Variants in ITGB5 observed in about 807,000 individuals in gnomAD.
ITGB5 encodes integrin beta-5.
ITGB5 carries 38 observed loss-of-function variants against 84.8 expected under a neutral mutation model. The observed-to-expected ratio is 0.45, with a 90% CI of 0.35 to 0.59. The LOEUF is 0.59. Among genes scored for constraint, ITGB5 ranks in the 20% least tolerant of loss-of-function variants. The pLI, the probability that ITGB5 is intolerant of heterozygous loss-of-function variation, is 0.01. For missense variants in ITGB5, 905 were observed against 1,034.5 expected (o/e 0.87, Z 1.72); for synonymous variants, 393 against 414.4 (o/e 0.95, Z 0.63).
At position 124,807,941 on chromosome 3, in the gene ITGB5, C is replaced by CAAAAAAAAA. The variant is rs552552243; in HGVS notation, c.1263+1072_1263+1080dup. Among the ~76,000 whole-genome samples, 3 of 26,766 alleles carry CAAAAAAAAA rather than the reference C, an allele frequency of 1.1e-4. 1 individual carries two copies. The highest frequency in any genetic ancestry group is 2.1e-4 in the Non-Finnish European group (3 of 13,984). 17.6% of individuals were successfully genotyped at this position (26,766 alleles called of 152,430 possible). A position where few individuals can be genotyped will look rare whatever the true frequency, so the allele number is the denominator to read the frequency against. ...TGGGCGACAGAGCGAGACTTCATCT[C>CAAAAAAAAA]AAAAAAAAAAAAAAAAAAAAAAAAA... On this transcript the variant is annotated intron_variant, in intron 9 of 14. Coordinates refer to ENST00000296181, the MANE Select transcript of ITGB5 (RefSeq NM_002213.5).
chr3:124,837,039 G>T (rs897137427), intron 5 of ITGB5, among the ~76,000 whole-genome samples: 2 of 152,092 alleles, frequency 1.3e-5, no homozygotes, highest in Non-Finnish European at 2.9e-5. Context: ...TCTGGCTGAC[G>T]AAAAAAAGCA....
At chr3:124,796,854 G>A in intron 9 of ITGB5, 37 bp from the exon 10 acceptor site, 1 of 1,551,514 alleles carries the variant, frequency 6.4e-7, no homozygotes, top group Non-Finnish European at 8.7e-7. Context: ...CATGGCTGCG[G>A]CAAGCCAGGG....
intron 2 of ITGB5, among the ~76,000 whole-genome samples, chr3:124,865,085 G>T (rs1215607230): frequency 6.6e-6 from 1 of 152,166 alleles, no homozygotes; most frequent in East Asian, 1.9e-4. Flanking sequence ...CTAACTTTGG[G>T]CCCAAAGCTT....
intron 2 of ITGB5, among the ~76,000 whole-genome samples, chr3:124,863,754 G>A: frequency 6.6e-6 from 1 of 152,090 alleles, no homozygotes; most frequent in Non-Finnish European, 1.5e-5. Flanking sequence ...CCTGACCTCA[G>A]ATGATCGCCA....
Position 124,796,593 on chromosome 3 carries a change from G to C in ITGB5, c.1488C>G (p.Thr496=), listed in dbSNP as rs765458063. 1.2e-5 allele frequency: 19 copies of C among 1,614,018 alleles called. No individual in the cohort carries two copies. The African/African-American group carries it at 2.3e-4, about 19-fold the overall frequency. ...TCTCCCCATCCTGGCACTCGCACCT[G>C]GTGCCCAGGTAGCCGGGGCTGCACT... ...LCECSPGYLG[T]RCECQDGENQ... Residue 496 remains threonine (T), a synonymous_variant, in exon 10 of 15, where the codon ACC becomes ACG. Transcript: ENST00000296181.
rs1439590056 is a variant in ITGB5 at position 124,773,932 on chromosome 3, A to C, written c.1694-20T>G. On this transcript the variant is annotated intron_variant, in intron 10 of 14. Transcript: ENST00000296181. ...CATGGCCTAAAAGGATACATGTGGC[A>C]CATCAGCACCTGCTCACCTTTACAC... 1 of 1,609,004 alleles carries C rather than the reference A, an allele frequency of 6.2e-7. No homozygotes were observed. The highest frequency in any genetic ancestry group is 8.5e-7 in the Non-Finnish European group (1 of 1,175,654).
chr3:124,766,322 G>C lies in ITGB5; in HGVS notation c.2041C>G (p.Leu681Val). ...TCCTTGGCGGTTTTGTAGAAACATA[G>C]CACAGCCTCCTGGTCATCTTTCACT... ...TIVKDDQEAV[L>V]CFYKTAKDCV... The change falls in exon 13 of 15, where the codon CTA (leucine) becomes GTA (valine). Residue 681 changes from leucine (L) to valine (V), a missense_variant. Physicochemically the swap from Leu to Val is conservative, Grantham distance 32. Coordinates refer to ENST00000296181, the MANE Select transcript of ITGB5 (RefSeq NM_002213.5). The C allele has an allele frequency of 6.2e-7, 1 of 1,614,134 alleles. No individual in the cohort carries two copies. The highest frequency in any genetic ancestry group is 8.5e-7 in the Non-Finnish European group (1 of 1,180,008).
intron 4 of ITGB5, 117 bp downstream of exon 4, chr3:124,848,192 T>G: frequency 8.2e-7 from 1 of 1,219,178 alleles, no homozygotes; most frequent in Non-Finnish European, 1.2e-6. Context: ...ATTAAACGCC[T>G]AAGCCTGGCC....
chr3:124,778,341 A>G (rs2063954126), intron 10 of ITGB5, among the ~76,000 whole-genome samples: 1 of 152,232 alleles, frequency 6.6e-6, no homozygotes, highest in Non-Finnish European at 1.5e-5. Flanking sequence ...TTCCATCAGC[A>G]AAAGTGCTTG....
At chr3:124,798,448 GTCTC>G (rs962115384) in intron 9 of ITGB5, among the ~76,000 whole-genome samples, 1 of 151,184 alleles carries the variant, frequency 6.6e-6, no homozygotes. Flanking sequence ...TTGAGACAGA[GTCTC>G]TCTGTCACCC....
chr3:124,768,481 A>T (rs962288994), intron 12 of ITGB5, among the ~76,000 whole-genome samples: 1 of 152,186 alleles, frequency 6.6e-6, no homozygotes, highest in African/African-American at 2.4e-5. Context: ...TCTGTGTTGG[A>T]CATTTCATAT....
intron 3 of ITGB5, among the ~76,000 whole-genome samples, chr3:124,850,711 C>CAA (rs3836318): frequency 1.3e-5 from 2 of 148,566 alleles, no homozygotes; most frequent in South Asian, 2.1e-4. Flanking sequence ...TTTAAAAAAA[C>CAA]AAAAAAAAAA....
At chr3:124,848,761 G>A (rs1338413783) in intron 3 of ITGB5, among the ~76,000 whole-genome samples, 3 of 148,086 alleles carry the variant, frequency 2.0e-5, no homozygotes, top group East Asian at 4.0e-4. Context: ...CTAAACATTC[G>A]GCTTAGCACT....
intron 9 of ITGB5, among the ~76,000 whole-genome samples, chr3:124,806,721 G>A (rs1212415800): frequency 2.0e-5 from 3 of 151,582 alleles, no homozygotes; most frequent in Non-Finnish European, 2.9e-5. Context: ...ACAGGTGTAA[G>A]CCACTGCGCC....
chr3:124,799,449 A>C (rs2064283152), intron 9 of ITGB5, among the ~76,000 whole-genome samples: 1 of 152,104 alleles, frequency 6.6e-6, no homozygotes, highest in Non-Finnish European at 1.5e-5. Context: ...GGTCCCAGCT[A>C]CTCAGAAGGC....
chr3:124,848,447 C>G lies in ITGB5; in HGVS notation c.473G>C (p.Arg158Pro). The change falls in exon 4 of 15, where the codon CGG (arginine) becomes CCG (proline). Residue 158 changes from arginine (R) to proline (P), a missense_variant. This residue lies in a region of ITGB5 where 656 missense variants were observed against 734.7 expected (regional missense o/e 0.89). Transcript: ENST00000296181. ...LSMKDDLDNIRSLGTKLAEEM... is the reference protein window; with the variant it reads ...LSMKDDLDNIPSLGTKLAEEM... ...CTCCGCGAGTTTGGTGCCCAGGCTC[C>G]GGATATTGTCCAAGTCATCCTTCAT... The G allele has an allele frequency of 1.2e-6, 2 of 1,614,130 alleles. No individual in the cohort carries two copies. The highest frequency in any genetic ancestry group is 2.2e-5 in the East Asian group (1 of 44,878).
rs553594456 is a variant in ITGB5 at position 124,844,492 on chromosome 3, G to A, written c.612-2941C>T. On this transcript the variant is annotated intron_variant, in intron 4 of 14. Coordinates refer to ENST00000296181, the MANE Select transcript of ITGB5 (RefSeq NM_002213.5). Reference sequence around the variant, plus strand: ...GGATAATCACTTGAACCCAGGAGGTGGAGGTTGCAGTGAGCTGAGATCCCG... The same window carrying A: ...GGATAATCACTTGAACCCAGGAGGTAGAGGTTGCAGTGAGCTGAGATCCCG... Among the ~76,000 whole-genome samples the A allele has an allele frequency of 1.5e-3, 231 of 152,188 alleles. 1 individual carries two copies. Among genetic ancestry groups the A allele is most frequent in the African/African-American group, 5.5e-3 (230 of 41,516 alleles).
chr3:124,794,238 T>C (rs1322031188), intron 10 of ITGB5, among the ~76,000 whole-genome samples: 2 of 152,196 alleles, frequency 1.3e-5, no homozygotes, highest in Admixed American at 6.5e-5. Context: ...AGATAAACTT[T>C]GAGATACAAT....
At chr3:124,838,561 A>G (rs1419896523) in intron 5 of ITGB5, among the ~76,000 whole-genome samples, 1 of 152,174 alleles carries the variant, frequency 6.6e-6, no homozygotes, top group African/African-American at 2.4e-5. Context: ...GTTACTATTA[A>G]AGCCATCTGA....
Sources: allele counts gnomAD v4.1 joint callset (sites outside exome capture counted in the v4.1 genomes callset), GRCh38; gene constraint gnomAD v4.1.1; regional missense constraint gnomAD v4.1.1; transcripts MANE v1.5; gene names NCBI Gene and HGNC (gene_info 2026-07-23, HGNC 2026-07-21).